GLYATL1: variants seen among roughly 807,000 people sequenced by gnomAD.
GLYATL1 encodes glycine-N-acyltransferase like 1, also known as glycine N-acyltransferase-like protein 1.
Under a neutral mutation model 20.0 loss-of-function variants are expected in GLYATL1, and 15 were observed. The observed-to-expected ratio is 0.75, with a 90% CI of 0.50 to 1.15. GLYATL1 has a LOEUF of 1.15. Among genes scored for constraint, GLYATL1 ranks in the 50% most tolerant of loss-of-function variants. The probability of loss-of-function intolerance (pLI) is 0.00; values close to 1 mark genes in which losing one functional copy is unlikely to be tolerated. For synonymous variants in GLYATL1, 151 were observed against 131.5 expected (o/e 1.15, Z -1.01); for missense variants, 380 against 368.5 (o/e 1.03, Z -0.26).
chr11:58,906,060 G>T (rs889049062), intron 1 of GLYATL1, among the ~76,000 whole-genome samples: 2 of 152,182 alleles, frequency 1.3e-5, no homozygotes, highest in African/African-American at 4.8e-5. Flanking sequence ...CCTGCGAATC[G>T]GGAGCAGCGG....
chr11:58,930,746 T>A (rs951245936), intron 1 of GLYATL1, among the ~76,000 whole-genome samples: 2 of 152,212 alleles, frequency 1.3e-5, no homozygotes, highest in African/African-American at 4.8e-5. Flanking sequence ...TGACAAGGTA[T>A]ACTAATGAGT....
At position 58,955,753 on chromosome 11, in the gene GLYATL1, G is replaced by T. The variant is rs1406804847; in HGVS notation, c.635G>T (p.Gly212Val). ...GACCTGCCAGCAGCCTGTATGCTCG[G>T]CCCAGAGGGAGTCCCGGTCTCATGG... Reference protein sequence around the residue: ...IEDLPAACMLGPEGVPVSWVT... With the variant: ...IEDLPAACMLVPEGVPVSWVT... The change falls in exon 7 of 7, where the codon GGC becomes GTC. Residue 212 changes from glycine to valine, a missense_variant. Gly to Val is a moderately radical substitution (Grantham distance 109). Coordinates refer to ENST00000532726, the MANE Select transcript of GLYATL1 (RefSeq NM_001389712.2). 1 of 1,614,198 alleles carries T rather than the reference G, an allele frequency of 6.2e-7. No individual in the cohort carries two copies. The highest frequency in any genetic ancestry group is 1.7e-5 in the Admixed American group (1 of 60,024).
At chr11:58,946,848 G>A (rs1856600089) in intron 2 of GLYATL1, 198 bp from the exon 3 acceptor site, 1 of 617,710 alleles carries the variant, frequency 1.6e-6, no homozygotes, top group Non-Finnish European at 2.9e-6. Flanking sequence ...AGTCATATAT[G>A]GTTTCAAAAT....
At chr11:58,943,340 A>G (rs947181208) in intron 1 of GLYATL1, 2 of 1,550,514 alleles carry the variant, frequency 1.3e-6, no homozygotes, top group African/African-American at 2.7e-5. Context: ...CCCAGTTGTA[A>G]CCAATCTCTT....
Position 58,955,173 on chromosome 11 carries a change from C to A in GLYATL1, c.314-3C>A, listed in dbSNP as rs370695987. 24 of 1,611,478 alleles carry A rather than the reference C, an allele frequency of 1.5e-5. No homozygotes were observed. In the African/African-American group the frequency reaches 2.3e-4, roughly 15 times the overall value. ...AAGATTGCTTTCTTGGCTTTCTTCC[C>A]AGGTCTTCAAGAAAGTTTAGGTGAG... On this transcript the variant is annotated splice_region_variant and splice_polypyrimidine_tract_variant and intron_variant, in intron 5 of 6. Transcript: ENST00000532726.
intron 4 of GLYATL1, 69 bp downstream of exon 4, chr11:58,948,034 A>G (rs1235110801): frequency 1.0e-6 from 1 of 985,734 alleles, no homozygotes; most frequent in Non-Finnish European, 1.6e-6. Flanking sequence ...ACCAGTTCAG[A>G]CACCATGGCT....
intron 5 of GLYATL1, 70 bp downstream of exon 5, chr11:58,954,966 A>G: frequency 6.8e-7 from 1 of 1,475,288 alleles, no homozygotes. Context: ...CAGCATTAGC[A>G]TCACCTGAGG....
chr11:58,911,355 T>C (rs1424162629), downstream of GLYATL1, among the ~76,000 whole-genome samples: 2 of 152,216 alleles, frequency 1.3e-5, no homozygotes, highest in Non-Finnish European at 2.9e-5. Flanking sequence ...GTGGAATTGC[T>C]TTCATGGAAA....
intron 4 of GLYATL1, among the ~76,000 whole-genome samples, chr11:58,948,248 G>T (rs1220590184): frequency 6.6e-6 from 1 of 152,148 alleles, no homozygotes; most frequent in Non-Finnish European, 1.5e-5. Context: ...TCACCTGCAG[G>T]GGCTGAAAGG....
chr11:58,954,267 C>A (rs995602683), intron 4 of GLYATL1, among the ~76,000 whole-genome samples: 1 of 152,174 alleles, frequency 6.6e-6, no homozygotes, highest in African/African-American at 2.4e-5. Context: ...TAACTCTTAA[C>A]AACACAAACT....
rs201409373 is a variant in GLYATL1, at chr11:58,955,763, A to G, written c.645A>G (p.Gly215=). ...LPAACMLGPE[G]VPVSWVTMDP... Reference sequence around the variant, plus strand: ...CAGCCTGTATGCTCGGCCCAGAGGGAGTCCCGGTCTCATGGGTAACCATGG... The same window carrying G: ...CAGCCTGTATGCTCGGCCCAGAGGGGGTCCCGGTCTCATGGGTAACCATGG... Residue 215 remains glycine, a synonymous_variant, in exon 7 of 7, where the codon GGA becomes GGG. Transcript: ENST00000532726. 28 of 1,614,232 alleles carry G rather than the reference A, an allele frequency of 1.7e-5. No homozygotes were observed. In the Admixed American group the frequency reaches 2.8e-4, roughly 16 times the overall value.
At chr11:58,939,753 A>C (rs928622190) in intron 1 of GLYATL1, 103 bp downstream of exon 1, 1 of 152,236 alleles carries the variant, frequency 6.6e-6, no homozygotes, top group African/African-American at 2.4e-5. Context: ...CAACTGACGA[A>C]GAGAGGAAAA....
At chr11:58,943,106 A>G in intron 1 of GLYATL1, 1 of 600,538 alleles carries the variant, frequency 1.7e-6, no homozygotes, top group African/African-American at 1.9e-5. Context: ...ATTTTGCTAC[A>G]AACTGTTGAA....
At chr11:58,924,334 T>G (rs552086870), upstream of GLYATL1, among the ~76,000 whole-genome samples, 1 of 152,166 alleles carries the variant, frequency 6.6e-6, no homozygotes, top group Non-Finnish European at 1.5e-5. Context: ...GGCTCAAAGA[T>G]TAGTTAGTGG....
At chr11:58,927,594 C>G (rs1855457723), upstream of GLYATL1, 1 of 152,282 alleles carries the variant, frequency 6.6e-6, no homozygotes, top group Non-Finnish European at 1.5e-5. Context: ...TGGCTTAGCT[C>G]TTCGTTGCCT....
At chr11:58,918,934 A>C (rs924717771) in intron 1 of GLYATL1, among the ~76,000 whole-genome samples, 12 of 152,332 alleles carry the variant, frequency 7.9e-5, no homozygotes, top group African/African-American at 2.6e-4. Flanking sequence ...TGGCTGGTCC[A>C]CTTGTCCTGG....
At position 58,955,990 on chromosome 11, in the gene GLYATL1, A is replaced by G; in HGVS notation, c.872A>G (p.Gln291Arg). The stretch of plus-strand genomic sequence containing the variant: ...TTTGAGGCCTCCTGTGAGTGGCACC[A>G]ATGGACTTGCTACCCACAGAATCTA... ...GFFEASCEWH[Q>R]WTCYPQNLVP... Residue 291 changes from glutamine (Q) to arginine (R), a missense_variant, in exon 7 of 7, where the codon CAA becomes CGA. By Grantham distance (43) the Gln-to-Arg change is conservative (BLOSUM62 1). Coordinates refer to ENST00000532726, the MANE Select transcript of GLYATL1 (RefSeq NM_001389712.2). 1 of 1,612,944 alleles carries G rather than the reference A, an allele frequency of 6.2e-7. No homozygotes were observed. Among genetic ancestry groups the G allele is most frequent in the South Asian group, 1.1e-5 (1 of 91,082 alleles).
chr11:58,956,377 G>A lies in GLYATL1; in HGVS notation c.*350G>A, dbSNP rs1857421046. 2 of 227,638 alleles carry A rather than the reference G, an allele frequency of 8.8e-6. No homozygotes were observed. The highest frequency in any genetic ancestry group is 8.9e-5 in the East Asian group (1 of 11,196). The allele number at this position is 227,638 out of a possible 1,614,324, so 14.1% of individuals were successfully genotyped here. On this transcript the variant is annotated 3_prime_UTR_variant, in exon 7 of 7. Coordinates refer to ENST00000532726, the MANE Select transcript of GLYATL1 (RefSeq NM_001389712.2). ...ATCTACTATCTGGAAGATAAATGAAGGATTTTAATAAAATTTTCAATAGAA... is the reference window on the plus strand; with the variant it reads ...ATCTACTATCTGGAAGATAAATGAAAGATTTTAATAAAATTTTCAATAGAA...
intron 2 of GLYATL1, among the ~76,000 whole-genome samples, chr11:58,944,748 G>A (rs1856442091): frequency 6.6e-6 from 1 of 152,072 alleles, no homozygotes; most frequent in Admixed American, 6.5e-5. Flanking sequence ...ACCACTGACT[G>A]TGTGCTACTC....
Sources: allele counts gnomAD v4.1 joint callset (sites outside exome capture counted in the v4.1 genomes callset), GRCh38; gene constraint gnomAD v4.1.1; transcripts MANE v1.5; gene names NCBI Gene and HGNC (gene_info 2026-07-23, HGNC 2026-07-21).